Variants in XKR6 observed in about 807,000 individuals in gnomAD.
XKR6 encodes XK-related protein 6.
In XKR6, 22 loss-of-function variants were observed where a neutral mutation model predicts 56.7. The ratio of observed to expected loss-of-function variants is 0.39; its 90% CI spans 0.28 to 0.55. XKR6 has a LOEUF of 0.55. XKR6 is among the 20% of genes least tolerant of loss of function. The pLI is 0.66. For synonymous variants in XKR6, 524 were observed against 387.8 expected (o/e 1.35, Z -4.13); for missense variants, 852 against 889.0 (o/e 0.96, Z 0.53).
chr8:10,986,790 T>C (rs1797873523), intron 1 of XKR6, among the ~76,000 whole-genome samples: 1 of 147,700 alleles, frequency 6.8e-6, no homozygotes, highest in African/African-American at 2.5e-5. Context: ...TGTTGTTTCT[T>C]TTTTTTTTTT....
At chr8:11,137,050 T>G (rs752940910) in intron 1 of XKR6, 1 of 153,100 alleles carries the variant, frequency 6.5e-6, no homozygotes, top group Admixed American at 6.5e-5. Context: ...TTGCTTACAG[T>G]AGACTACAAA....
At chr8:11,099,191 T>C (rs1261684067) in intron 1 of XKR6, among the ~76,000 whole-genome samples, 3 of 152,156 alleles carry the variant, frequency 2.0e-5, no homozygotes, top group Non-Finnish European at 4.4e-5. Context: ...AGATCTCTTC[T>C]CTTAGCTGGG....
intron 1 of XKR6, chr8:11,175,672 A>G (rs1345550549): frequency 6.6e-6 from 1 of 152,210 alleles, no homozygotes; most frequent in Non-Finnish European, 1.5e-5. Flanking sequence ...CCTCAAAAAC[A>G]ATTAATTTCT....
intron 1 of XKR6, among the ~76,000 whole-genome samples, chr8:11,098,211 TCA>T (rs371346914): frequency 3.0e-4 from 45 of 151,240 alleles, no homozygotes; most frequent in African/African-American, 1.0e-3. Flanking sequence ...GGTGACTCTC[TCA>T]CACACACACA....
In XKR6 at chr8:11,053,732, G is replaced by C. The variant is rs185845654; in HGVS notation, c.765-128902C>G. 1.1e-3 allele frequency among the ~76,000 whole-genome samples: 168 copies of C among 152,306 alleles called. 4 individuals are homozygous for C. The highest frequency in any genetic ancestry group is 3.9e-3 in the African/African-American group (162 of 41,576). ...TTCCCACAGGGACCAAGATTCACTTGTGCTGTCCTGTGGATAAAAATAAAA... is the reference window on the plus strand; with the variant it reads ...TTCCCACAGGGACCAAGATTCACTTCTGCTGTCCTGTGGATAAAAATAAAA... On this transcript the variant is annotated intron_variant, in intron 1 of 2. Coordinates refer to ENST00000416569, the MANE Select transcript of XKR6 (RefSeq NM_173683.4).
intron 1 of XKR6, among the ~76,000 whole-genome samples, chr8:11,091,170 C>A (rs908059890): frequency 2.6e-5 from 4 of 152,162 alleles, no homozygotes; most frequent in Admixed American, 2.0e-4. Context: ...GTGGTTCATA[C>A]CTGTAATCCC....
At chr8:11,134,832 A>G (rs1452602425) in intron 1 of XKR6, among the ~76,000 whole-genome samples, 1 of 152,092 alleles carries the variant, frequency 6.6e-6, no homozygotes, top group Admixed American at 6.5e-5. Flanking sequence ...TAAATGACCA[A>G]TAATAGATCA....
At chr8:11,151,628 G>A (rs1253824817) in intron 1 of XKR6, among the ~76,000 whole-genome samples, 1 of 152,016 alleles carries the variant, frequency 6.6e-6, no homozygotes, top group Non-Finnish European at 1.5e-5. Flanking sequence ...TGGATTCAGA[G>A]CAGATGAACC....
At chr8:10,917,820 G>C (rs945221445) in intron 2 of XKR6, among the ~76,000 whole-genome samples, 3 of 152,230 alleles carry the variant, frequency 2.0e-5, no homozygotes, top group African/African-American at 7.2e-5. Context: ...CCTTGGACTA[G>C]TCCCTTGATC....
At chr8:10,973,563 C>A (rs1216604766) in intron 1 of XKR6, among the ~76,000 whole-genome samples, 1 of 150,542 alleles carries the variant, frequency 6.6e-6, no homozygotes, top group East Asian at 2.0e-4. Context: ...ATCTTTCTTT[C>A]TTTCTCTCTT....
intron 1 of XKR6, among the ~76,000 whole-genome samples, chr8:11,009,057 A>C (rs549659925): frequency 7.4e-6 from 1 of 136,002 alleles, no homozygotes; most frequent in East Asian, 2.8e-4. Context: ...GCCCCAAATT[A>C]CACCTCTCCT....
At chr8:10,999,978 C>T (rs2129142741) in intron 1 of XKR6, among the ~76,000 whole-genome samples, 1 of 152,342 alleles carries the variant, frequency 6.6e-6, no homozygotes, top group Middle Eastern at 3.4e-3. Flanking sequence ...CTCCATATGA[C>T]TTCCCAGACT....
At chr8:11,020,078 C>A (rs566096068) in intron 1 of XKR6, among the ~76,000 whole-genome samples, 30 of 152,276 alleles carry the variant, frequency 2.0e-4, no homozygotes, top group Admixed American at 1.3e-3. Flanking sequence ...GCCTCATCCC[C>A]ACCCACCCAA....
chr8:11,195,772 C>T lies in XKR6; in HGVS notation c.764+4804G>A, dbSNP rs182025237. Reference sequence around the variant, plus strand: ...GACGCCATTCTCCTGCCTCGGCCTCCTGAGTAGCTGGGACTACAGGCGCCC... The same window carrying T: ...GACGCCATTCTCCTGCCTCGGCCTCTTGAGTAGCTGGGACTACAGGCGCCC... On this transcript the variant is annotated intron_variant, in intron 1 of 2. Transcript: ENST00000416569. Among the ~76,000 whole-genome samples the T allele has an allele frequency of 1.2e-4, 18 of 152,006 alleles. No individual in the cohort carries two copies. The East Asian group carries it at 3.3e-3, about 28-fold the overall frequency.
At chr8:11,182,278 G>C (rs1311386742) in intron 1 of XKR6, among the ~76,000 whole-genome samples, 2 of 152,126 alleles carry the variant, frequency 1.3e-5, no homozygotes, top group Non-Finnish European at 2.9e-5. Context: ...ATTTGAAAGA[G>C]CACTCTTCTG....
At chr8:11,152,317 C>G (rs1455606679) in intron 1 of XKR6, among the ~76,000 whole-genome samples, 1 of 152,196 alleles carries the variant, frequency 6.6e-6, no homozygotes, top group Non-Finnish European at 1.5e-5. Context: ...AGACCCTCAG[C>G]CCTCTGATTC....
Position 11,201,219 on chromosome 8 carries a change from CGCCGCA to C in XKR6, c.115_120del (p.Cys39_Gly40del). On this transcript the variant is annotated inframe_deletion, in exon 1 of 3. Transcript: ENST00000416569. ...CCGGGCTCGCTGCCGTCGCCGCCGC[CGCCGCA>C]GCCGCCTCCCCCGGGCTCCCCGTCC... is the stretch of plus-strand genomic sequence containing the variant. 5 of 1,538,066 alleles carry C rather than the reference CGCCGCA, an allele frequency of 3.3e-6. No homozygotes were observed. Among genetic ancestry groups the C allele is most frequent in the Non-Finnish European group, 4.3e-6 (5 of 1,149,582 alleles).
At chr8:11,110,408 G>A (rs947594185) in intron 1 of XKR6, among the ~76,000 whole-genome samples, 6 of 152,330 alleles carry the variant, frequency 3.9e-5, no homozygotes, top group Non-Finnish European at 8.8e-5. Context: ...CCATCTAATA[G>A]AAATGTTATG....
intron 1 of XKR6, among the ~76,000 whole-genome samples, chr8:11,144,053 C>A (rs538403300): frequency 6.6e-6 from 1 of 151,994 alleles, no homozygotes; most frequent in Admixed American, 6.6e-5. Context: ...GGATTAAGAC[C>A]CCCCGTCAAT....
Sources: gnomAD v4.1 joint callset for allele counts (sites outside exome capture counted in the v4.1 genomes callset) on GRCh38, gnomAD v4.1.1 for gene constraint, MANE v1.5 for transcripts, NCBI Gene and HGNC (gene_info 2026-07-23, HGNC 2026-07-21) for gene names.